NRXN2: variants seen among roughly 807,000 people sequenced by gnomAD.
NRXN2 encodes neurexin-2-beta.
NRXN2 carries 29 observed loss-of-function variants against 128.8 expected under a neutral mutation model. The ratio of observed to expected loss-of-function variants is 0.23; its 90% CI spans 0.17 to 0.31. The LOEUF is 0.31. Ranked by LOEUF, NRXN2 falls within the 10% of genes least tolerant of loss-of-function variation. The pLI is 1.00. For synonymous variants in NRXN2, 1,098 were observed against 1,075.2 expected, an observed-to-expected ratio of 1.02 and a Z score of -0.41; for missense variants, 1,881 against 2,452.6, an observed-to-expected ratio of 0.77 and a Z score of 4.92.
intron 5 of NRXN2, among the ~76,000 whole-genome samples, chr11:64,686,369 C>T (rs983752650): frequency 6.6e-6 from 1 of 152,162 alleles, no homozygotes; most frequent in Non-Finnish European, 1.5e-5. Flanking sequence ...ATGGCAGGGT[C>T]CTCAAGGGTC....
intron 5 of NRXN2, among the ~76,000 whole-genome samples, chr11:64,687,733 G>A (rs554748925): frequency 1.3e-5 from 2 of 152,216 alleles, no homozygotes; most frequent in African/African-American, 4.8e-5. Flanking sequence ...ACGGCTCAGG[G>A]CTGTGAGGGA....
At chr11:64,625,657 C>T (rs2042976134) in intron 20 of NRXN2, among the ~76,000 whole-genome samples, 1 of 152,134 alleles carries the variant, frequency 6.6e-6, no homozygotes, top group African/African-American at 2.4e-5. Context: ...CGCCCCGCCT[C>T]CCCAAAGGGA....
intron 9 of NRXN2, among the ~76,000 whole-genome samples, chr11:64,666,727 C>A (rs2049921781): frequency 6.6e-6 from 1 of 151,946 alleles, no homozygotes; most frequent in South Asian, 2.1e-4. Context: ...CCACACCCAG[C>A]TAATTTTTTG....
At position 64,648,825 on chromosome 11, in the gene NRXN2, G is replaced by A; in HGVS notation, c.3192C>T (p.Gly1064=). Reference sequence around the variant, plus strand: ...CGTTGAGGTCCACTGAGGCCAGGCAGCCCTGAAAGCCATCCCGGGAGGCCA... The same window carrying A: ...CGTTGAGGTCCACTGAGGCCAGGCAACCCTGAAAGCCATCCCGGGAGGCCA... The part of the protein sequence containing the change: ...KLVASRDGFQ[G]CLASVDLNGR... The change falls in exon 16 of 23, where the codon GGC becomes GGT. Residue 1064 remains glycine, a synonymous_variant. Transcript: ENST00000265459. This position sits in a 1 kb window ranked among gnomAD's most constrained non-coding sequence, Gnocchi z 4.1. 3.7e-6 allele frequency: 6 copies of A among 1,614,218 alleles called. No individual in the cohort carries two copies. Among genetic ancestry groups the A allele is most frequent in the Non-Finnish European group, 5.1e-6 (6 of 1,180,018 alleles).
chr11:64,706,440 G>C (rs1340972582), intron 2 of NRXN2, among the ~76,000 whole-genome samples: 1 of 149,192 alleles, frequency 6.7e-6, no homozygotes, highest in Non-Finnish European at 1.5e-5. Flanking sequence ...TTTTGTCCTT[G>C]CGATAGTTTG....
At chr11:64,643,721 C>G (rs934575742) in intron 17 of NRXN2, among the ~76,000 whole-genome samples, 23 of 151,710 alleles carry the variant, frequency 1.5e-4, no homozygotes, top group Admixed American at 1.4e-3. Flanking sequence ...CTGGCTAGCC[C>G]GCTCGGCGCT....
At chr11:64,719,295 C>A (rs1322446417) in intron 1 of NRXN2, among the ~76,000 whole-genome samples, 2 of 152,174 alleles carry the variant, frequency 1.3e-5, no homozygotes, top group East Asian at 3.8e-4. Context: ...AGAAGGGACC[C>A]ACCCAAGGTC....
chr11:64,642,775 C>A (rs2045928571), intron 17 of NRXN2: 2 of 1,176,046 alleles, frequency 1.7e-6, no homozygotes, highest in Non-Finnish European at 1.1e-6. Context: ...GCGCGGGCAC[C>A]CCCCCGGCCC....
intron 17 of NRXN2, chr11:64,642,967 A>G (rs1429454383): frequency 5.4e-5 from 55 of 1,014,168 alleles, no homozygotes; most frequent in Non-Finnish European, 6.5e-5. Flanking sequence ...AACAAAATCA[A>G]CTGGATCCCG....
chr11:64,682,911 C>CTA (rs2052509256), intron 6 of NRXN2, among the ~76,000 whole-genome samples: 1 of 152,180 alleles, frequency 6.6e-6, no homozygotes, highest in African/African-American at 2.4e-5. Context: ...CTGGTCCTAA[C>CTA]TGCTATGTTC....
chr11:64,630,635 C>T lies in NRXN2; in HGVS notation c.3586-62G>A. ...AGCAACCATTCATCCCTTCTAGTGG[C>T]TACTCCTGTGACCACCACTAGCCCA... On this transcript the variant is annotated intron_variant, in intron 18 of 22. Coordinates refer to ENST00000265459, the MANE Select transcript of NRXN2 (RefSeq NM_015080.4). This position sits in a 1 kb window ranked among gnomAD's most constrained non-coding sequence, Gnocchi z 4.6. 2 of 1,586,416 alleles carry T rather than the reference C, an allele frequency of 1.3e-6. No homozygotes were observed. The highest frequency in any genetic ancestry group is 1.7e-6 in the Non-Finnish European group (2 of 1,158,856).
At chr11:64,671,950 C>A (rs1239890184) in intron 7 of NRXN2, among the ~76,000 whole-genome samples, 1 of 152,102 alleles carries the variant, frequency 6.6e-6, no homozygotes, top group Non-Finnish European at 1.5e-5. Context: ...CCTTCCAGCT[C>A]TCTCCTTCCA....
chr11:64,671,253 T>A (rs537248487), intron 7 of NRXN2, among the ~76,000 whole-genome samples: 17 of 148,130 alleles, frequency 1.1e-4, no homozygotes, highest in Non-Finnish European at 2.2e-4. Flanking sequence ...AGGTGGGGAG[T>A]AGAGGGAGAT....
Position 64,635,570 on chromosome 11 carries a change from G to T in NRXN2, c.3404-118C>A. On this transcript the variant is annotated intron_variant, in intron 17 of 22. Transcript: ENST00000265459. The surrounding 1 kb of genome is among the most constrained non-coding windows in gnomAD (Gnocchi z 4.8). Reference sequence around the variant, plus strand: ...CAGGTCTAGATGTGGGACTTCAGCTGTGATACCCACAGCAGCCACCAGCCC... The same window carrying T: ...CAGGTCTAGATGTGGGACTTCAGCTTTGATACCCACAGCAGCCACCAGCCC... The T allele has an allele frequency of 8.6e-7, 1 of 1,166,246 alleles. No individual in the cohort carries two copies. The highest frequency in any genetic ancestry group is 1.2e-6 in the Non-Finnish European group (1 of 807,588). The allele number at this position is 1,166,246 out of a possible 1,614,324, so 72.2% of individuals were successfully genotyped here.
intron 2 of NRXN2, chr11:64,712,595 C>A (rs1051338163): frequency 5.3e-5 from 22 of 417,954 alleles, no homozygotes; most frequent in African/African-American, 4.6e-4. Flanking sequence ...TTAATGGGCC[C>A]TGTCCACGCA....
At chr11:64,676,876 T>C (rs535680313) in intron 7 of NRXN2, 117 bp downstream of exon 7, 55 of 790,222 alleles carry the variant, frequency 7.0e-5, no homozygotes, top group African/African-American at 2.0e-4. Flanking sequence ...CAAAAAACAA[T>C]TGGAAGAGCA....
intron 17 of NRXN2, chr11:64,642,562 G>A: frequency 6.2e-7 from 1 of 1,610,954 alleles, no homozygotes; most frequent in Non-Finnish European, 8.5e-7. Flanking sequence ...GGTGAGGAAG[G>A]GCATGCGGTT....
chr11:64,611,024 A>G (rs2040553964), intron 22 of NRXN2, among the ~76,000 whole-genome samples: 1 of 152,094 alleles, frequency 6.6e-6, no homozygotes, highest in South Asian at 2.1e-4. Context: ...CCATATCCCA[A>G]TTCTGTCCTG....
intron 2 of NRXN2, among the ~76,000 whole-genome samples, chr11:64,703,491 G>A (rs2055788163): frequency 6.6e-6 from 1 of 152,194 alleles, no homozygotes; most frequent in Non-Finnish European, 1.5e-5. Context: ...AATCTGTCTG[G>A]TGAAAACTTC....
Sources: allele counts gnomAD v4.1 joint callset (sites outside exome capture counted in the v4.1 genomes callset), GRCh38; gene constraint gnomAD v4.1.1; non-coding constraint Gnocchi (gnomAD v3.1); transcripts MANE v1.5; gene names NCBI Gene and HGNC (gene_info 2026-07-23, HGNC 2026-07-21).